Variants in ZNF33B observed in about 807,000 individuals in gnomAD.
The protein encoded by ZNF33B is zinc finger protein 33B.
In ZNF33B, 29 loss-of-function variants were observed where a neutral mutation model predicts 45.8. That is an observed-to-expected ratio of 0.63 (90% confidence interval 0.47 to 0.86). The LOEUF is 0.86. ZNF33B is among the 40% of genes least tolerant of loss of function. The pLI, the probability that ZNF33B is intolerant of heterozygous loss-of-function variation, is 0.00. For missense variants in ZNF33B, 831 were observed against 909.9 expected (o/e 0.91, Z 1.12); for synonymous variants, 305 against 307.8 (o/e 0.99, Z 0.10).
intron 4 of ZNF33B, among the ~76,000 whole-genome samples, chr10:42,607,733 G>C (rs1837925957): frequency 1.3e-5 from 2 of 152,078 alleles, no homozygotes; most frequent in Admixed American, 6.6e-5. Context: ...ACACATTCTA[G>C]TAAAGTCAGA....
Position 42,593,034 on chromosome 10 carries a change from C to T in ZNF33B, c.1916G>A (p.Cys639Tyr). ...RIHIGEKPYECNECGKAFCHK... is the reference protein window; with the variant it reads ...RIHIGEKPYEYNECGKAFCHK... Reference sequence around the variant, plus strand: ...GCAGAAAGCTTTTCCACACTCATTACATTCATAGGGTTTCTCCCCTATGTG... The same window carrying T: ...GCAGAAAGCTTTTCCACACTCATTATATTCATAGGGTTTCTCCCCTATGTG... Residue 639 changes from cysteine to tyrosine, a missense_variant, in exon 5 of 5, where the codon TGT becomes TAT. Coordinates refer to ENST00000359467, the MANE Select transcript of ZNF33B (RefSeq NM_006955.3). 1 of 1,614,112 alleles carries T rather than the reference C, an allele frequency of 6.2e-7. No individual in the cohort carries two copies. Among genetic ancestry groups the T allele is most frequent in the African/African-American group, 1.3e-5 (1 of 75,036 alleles).
chr10:42,576,266 G>A (rs1282123923), intron 1 of ZNF33B, among the ~76,000 whole-genome samples: 4 of 152,120 alleles, frequency 2.6e-5, no homozygotes, highest in African/African-American at 9.7e-5. Context: ...TGAGATTACA[G>A]GTGTGAGCCA....
intron 4 of ZNF33B, among the ~76,000 whole-genome samples, chr10:42,595,189 A>G (rs1237774897): frequency 2.0e-5 from 3 of 152,230 alleles, no homozygotes; most frequent in Non-Finnish European, 4.4e-5. Context: ...AGTCAGCCAG[A>G]GACTGTGGTG....
intron 4 of ZNF33B, among the ~76,000 whole-genome samples, chr10:42,600,492 A>AG (rs1171984932): frequency 6.6e-6 from 1 of 152,192 alleles, no homozygotes; most frequent in Non-Finnish European, 1.5e-5. Context: ...ACAGCACTGC[A>AG]GCCTTGTGAA....
chr10:42,588,697 A>T (rs1489336843), downstream of ZNF33B, among the ~76,000 whole-genome samples: 1 of 152,192 alleles, frequency 6.6e-6, no homozygotes, highest in East Asian at 1.9e-4. Context: ...GGTTGTAGTG[A>T]GCAGCTGTAC....
At position 42,592,484 on chromosome 10, in the gene ZNF33B, G is replaced by A; in HGVS notation, c.*129C>T. 7.9e-7 allele frequency: 1 copy of A among 1,265,676 alleles called. No homozygotes were observed. The highest frequency in any genetic ancestry group is 1.1e-6 in the Non-Finnish European group (1 of 907,618). The allele number at this position is 1,265,676 out of a possible 1,614,324, so 78.4% of individuals were successfully genotyped here. On this transcript the variant is annotated 3_prime_UTR_variant, in exon 5 of 5. Coordinates refer to ENST00000359467, the MANE Select transcript of ZNF33B (RefSeq NM_006955.3). ...TGGGTTTATCCCCTACTGTTACTTTGGAGTAACATAAGGCGAGTTTGTGGA... is the reference window on the plus strand; with the variant it reads ...TGGGTTTATCCCCTACTGTTACTTTAGAGTAACATAAGGCGAGTTTGTGGA...
In ZNF33B at chr10:42,618,315, A is replaced by G. The variant is rs558729531; in HGVS notation, c.250+13614T>C. 3.8e-4 allele frequency among the ~76,000 whole-genome samples: 58 copies of G among 152,316 alleles called. No individual in the cohort carries two copies. In the South Asian group the frequency reaches 0.011, roughly 29 times the overall value. ...TTAATACTGGGTAACACTTCATGGT[A>G]TGGACACACTACACATTATTTATCC... is the stretch of plus-strand genomic sequence containing the variant. On this transcript the variant is annotated intron_variant, in intron 4 of 4. Coordinates refer to ENST00000359467, the MANE Select transcript of ZNF33B (RefSeq NM_006955.3).
At chr10:42,583,738 G>A (rs1033756031) in intron 1 of ZNF33B, among the ~76,000 whole-genome samples, 4 of 151,842 alleles carry the variant, frequency 2.6e-5, no homozygotes, top group African/African-American at 7.3e-5. Context: ...CCCTTAACTC[G>A]TCCATATTTT....
In ZNF33B at chr10:42,580,504, C is replaced by T. The variant is rs538963845; in HGVS notation, c.74-5826G>A. 2.4e-3 allele frequency among the ~76,000 whole-genome samples: 368 copies of T among 151,382 alleles called. 5 individuals are homozygous for T. The highest frequency in any genetic ancestry group is 4.6e-3 in the Non-Finnish European group (310 of 67,942). Reference sequence around the variant, plus strand: ...CCCCCCACCTTGGCCTCCCAAAGTGCTGGGGTTACAGGAGTGAGCCACTGT... The same window carrying T: ...CCCCCCACCTTGGCCTCCCAAAGTGTTGGGGTTACAGGAGTGAGCCACTGT... On this transcript the variant is annotated intron_variant, in intron 1 of 1. Transcript: ENST00000462075.
chr10:42,627,868 C>T (rs1838879871), intron 4 of ZNF33B, among the ~76,000 whole-genome samples: 1 of 152,120 alleles, frequency 6.6e-6, no homozygotes, highest in Non-Finnish European at 1.5e-5. Context: ...AGTTTGGTTT[C>T]ATTATGGCCA....
chr10:42,587,034 C>T (rs1836949646), downstream of ZNF33B, among the ~76,000 whole-genome samples: 2 of 152,104 alleles, frequency 1.3e-5, no homozygotes, highest in Non-Finnish European at 2.9e-5. Context: ...TGGGCCCTCA[C>T]ATGTCAGAAA....
At position 42,631,952 on chromosome 10, in the gene ZNF33B, T is replaced by A. The variant is rs1346640317; in HGVS notation, c.227A>T (p.Glu76Val). 1.9e-6 allele frequency: 3 copies of A among 1,614,110 alleles called. No homozygotes were observed. Among genetic ancestry groups the A allele is most frequent in the Non-Finnish European group, 2.5e-6 (3 of 1,179,994 alleles). The change falls in exon 4 of 5, where the codon GAA becomes GTA. Residue 76 changes from glutamate to valine, a missense_variant. Transcript: ENST00000359467. ...ACCTGGAAAGCTCTGGCTTGGGAAT[T>A]CTTCCTCCAGTCTCCATGGTTCTTC... ...QGEEPWRLEE[E>V]FPSQSFPEVW...
Position 42,594,470 on chromosome 10 carries a change from T to A in ZNF33B, c.480A>T (p.Ile160=). The change falls in exon 5 of 5, where the codon ATA becomes ATT. Residue 160 remains isoleucine, a synonymous_variant. Coordinates refer to ENST00000359467, the MANE Select transcript of ZNF33B (RefSeq NM_006955.3). The part of the protein sequence containing the change: ...NTVSELVISK[I]NYLGKKSDEF... ...CGTCAGACTTTTTTCCTAAATAGTT[T>A]ATCTTACTGATAACCAATTCTGAAA... 6.2e-7 allele frequency: 1 copy of A among 1,613,460 alleles called. No homozygotes were observed. The highest frequency in any genetic ancestry group is 8.5e-7 in the Non-Finnish European group (1 of 1,179,750).
chr10:42,588,562 G>A (rs374043966), downstream of ZNF33B, among the ~76,000 whole-genome samples: 36 of 152,312 alleles, frequency 2.4e-4, 1 homozygote, highest in African/African-American at 8.7e-4. Context: ...CTGAATACCC[G>A]ACACTGGACA....
At chr10:42,636,587 C>T (rs1334095446) in intron 2 of ZNF33B, among the ~76,000 whole-genome samples, 1 of 152,138 alleles carries the variant, frequency 6.6e-6, no homozygotes, top group Non-Finnish European at 1.5e-5. Context: ...TTTGGGAGGC[C>T]GAGGCGGGCG....
chr10:42,592,435 C>G lies in ZNF33B; in HGVS notation c.*178G>C, dbSNP rs1837168112. The G allele has an allele frequency of 1.1e-6, 1 of 909,812 alleles. No individual in the cohort carries two copies. The highest frequency in any genetic ancestry group is 1.7e-5 in the African/African-American group (1 of 59,834). 56.4% of individuals were successfully genotyped at this position (909,812 alleles called of 1,614,324 possible). ...ACAGAATATCACTTCCTAACAAAAG[C>G]CATCCTATAGTTGTTGTAGTCTATG... On this transcript the variant is annotated 3_prime_UTR_variant, in exon 5 of 5. Transcript: ENST00000359467.
intron 4 of ZNF33B, among the ~76,000 whole-genome samples, chr10:42,623,162 G>A (rs1242661416): frequency 2.6e-5 from 4 of 152,222 alleles, no homozygotes; most frequent in African/African-American, 9.6e-5. Flanking sequence ...AGCTACTCGG[G>A]AAGCTGAGGC....
chr10:42,628,279 G>A (rs1292586714), intron 4 of ZNF33B, among the ~76,000 whole-genome samples: 3 of 152,418 alleles, frequency 2.0e-5, no homozygotes, highest in African/African-American at 7.2e-5. Flanking sequence ...GCTTCTCAAA[G>A]TGCTGGAATT....
chr10:42,617,438 G>T (rs1838374637), intron 4 of ZNF33B, among the ~76,000 whole-genome samples: 1 of 152,106 alleles, frequency 6.6e-6, no homozygotes. Flanking sequence ...GCAGCTGGAA[G>T]AAATAATGAG....
Sources: gnomAD v4.1 joint callset for allele counts (sites outside exome capture counted in the v4.1 genomes callset) on GRCh38, gnomAD v4.1.1 for gene constraint, MANE v1.5 for transcripts, NCBI Gene and HGNC (gene_info 2026-07-23, HGNC 2026-07-21) for gene names.